COBLL1: variants seen among roughly 807,000 people sequenced by gnomAD.
COBLL1 encodes cordon-bleu protein-like 1.
A neutral mutation model predicts 94.8 loss-of-function variants in COBLL1; 50 were observed. The ratio of observed to expected loss-of-function variants is 0.53; its 90% confidence interval spans 0.42 to 0.67. The LOEUF (loss-of-function observed/expected upper bound fraction) is 0.67. Among genes scored for constraint, COBLL1 ranks in the 30% least tolerant of loss-of-function variants. The probability of loss-of-function intolerance (pLI) is 0.00; values close to 1 mark genes in which losing one functional copy is unlikely to be tolerated. For missense variants in COBLL1, 1,362 were observed against 1,348.7 expected (o/e 1.01, Z -0.15); for synonymous variants, 448 against 473.8 (o/e 0.95, Z 0.71).
intron 2 of COBLL1, among the ~76,000 whole-genome samples, chr2:164,775,763 A>G (rs1688434541): frequency 6.6e-6 from 1 of 152,074 alleles, no homozygotes. Flanking sequence ...CCTTGGTGGT[A>G]GTCTTTAGTG....
chr2:164,822,560 C>T (rs1219506467), intron 2 of COBLL1, among the ~76,000 whole-genome samples: 1 of 152,054 alleles, frequency 6.6e-6, no homozygotes. Context: ...TTAATTATCT[C>T]AAGCTGGGAA....
chr2:164,783,878 ATTGC>A (rs1270395577), intron 2 of COBLL1, among the ~76,000 whole-genome samples: 4 of 152,114 alleles, frequency 2.6e-5, no homozygotes, highest in African/African-American at 9.7e-5. Context: ...AAGCAGGAAG[ATTGC>A]TTGAGCCTGG....
At chr2:164,729,108 A>G (rs903623719) in intron 4 of COBLL1, among the ~76,000 whole-genome samples, 2 of 151,814 alleles carry the variant, frequency 1.3e-5, no homozygotes, top group Middle Eastern at 3.2e-3. Context: ...CCAATATCCC[A>G]ATATATATTA....
intron 2 of COBLL1, among the ~76,000 whole-genome samples, chr2:164,799,600 A>T (rs1191480951): frequency 1.3e-5 from 2 of 152,226 alleles, no homozygotes; most frequent in African/African-American, 2.4e-5. Context: ...ATAGACAAGC[A>T]CATATTAAAA....
intron 9 of COBLL1, 69 bp downstream of exon 9, chr2:164,704,375 G>T: frequency 9.9e-7 from 1 of 1,007,420 alleles, no homozygotes; most frequent in South Asian, 1.3e-5. Context: ...ATCGCAAATG[G>T]ACTCATTTCT....
chr2:164,819,127 T>C (rs1685033488), intron 2 of COBLL1, among the ~76,000 whole-genome samples: 3 of 152,070 alleles, frequency 2.0e-5, no homozygotes, highest in Non-Finnish European at 4.4e-5. Flanking sequence ...TAAAGACTCA[T>C]AAAGTGTAAG....
chr2:164,735,101 T>A (rs1686228793), intron 3 of COBLL1, among the ~76,000 whole-genome samples: 1 of 152,198 alleles, frequency 6.6e-6, no homozygotes, highest in Non-Finnish European at 1.5e-5. Context: ...GTTCTGTGTG[T>A]ACATAGATGT....
intron 7 of COBLL1, among the ~76,000 whole-genome samples, chr2:164,719,852 T>G (rs1685357601): frequency 1.3e-5 from 2 of 152,032 alleles, no homozygotes; most frequent in Admixed American, 1.3e-4. Flanking sequence ...AGATGTCTTC[T>G]CTGAATAAGT....
At chr2:164,751,041 T>C (rs985288450) in intron 2 of COBLL1, among the ~76,000 whole-genome samples, 1 of 152,148 alleles carries the variant, frequency 6.6e-6, no homozygotes, top group African/African-American at 2.4e-5. Flanking sequence ...TTCCATAGCT[T>C]TGCCCTCGGT....
At chr2:164,813,035 A>T (rs1472866589) in intron 2 of COBLL1, among the ~76,000 whole-genome samples, 1 of 130,446 alleles carries the variant, frequency 7.7e-6, no homozygotes, top group African/African-American at 2.9e-5. Context: ...AAATTTCCAA[A>T]TTTTTTTTTA....
chr2:164,803,723 T>C (rs62175561), intron 2 of COBLL1, among the ~76,000 whole-genome samples: 17,851 of 152,152 alleles, frequency 0.12, 1,398 homozygotes, highest in Admixed American at 0.18. Context: ...CCTTCTAAAA[T>C]ATGGCTTTAA....
intron 2 of COBLL1, among the ~76,000 whole-genome samples, chr2:164,751,975 A>G (rs1338347055): frequency 6.6e-6 from 1 of 152,166 alleles, no homozygotes; most frequent in Admixed American, 6.6e-5. Flanking sequence ...GAAAAGAATA[A>G]TCTAATTTTT....
chr2:164,780,574 T>C (rs1688682561), intron 2 of COBLL1, among the ~76,000 whole-genome samples: 1 of 152,160 alleles, frequency 6.6e-6, no homozygotes, highest in Non-Finnish European at 1.5e-5. Context: ...GAAGATCTAA[T>C]TATTATTTTC....
chr2:164,828,855 G>A (rs1346136275), intron 2 of COBLL1, among the ~76,000 whole-genome samples: 1 of 152,032 alleles, frequency 6.6e-6, no homozygotes, highest in African/African-American at 2.4e-5. Flanking sequence ...TTTTTAATGT[G>A]GCTCCTAAAA....
At chr2:164,775,106 A>G (rs771205940) in intron 2 of COBLL1, among the ~76,000 whole-genome samples, 2 of 151,816 alleles carry the variant, frequency 1.3e-5, no homozygotes, top group African/African-American at 2.4e-5. Context: ...CAGTGAGCTG[A>G]GACTGTGCCA....
chr2:164,821,992 T>C (rs1257511199), intron 2 of COBLL1, among the ~76,000 whole-genome samples: 1 of 152,172 alleles, frequency 6.6e-6, no homozygotes, highest in Non-Finnish European at 1.5e-5. Flanking sequence ...AATCACTAAA[T>C]GAAAATCATG....
intron 2 of COBLL1, chr2:164,665,779 A>C (rs979478816): frequency 6.6e-6 from 1 of 152,146 alleles, no homozygotes; most frequent in Non-Finnish European, 1.5e-5. Flanking sequence ...GAGTATGTCA[A>C]TTTTCCTCTT....
chr2:164,734,823 A>G (rs994701489), intron 3 of COBLL1, among the ~76,000 whole-genome samples: 2 of 152,222 alleles, frequency 1.3e-5, no homozygotes, highest in African/African-American at 4.8e-5. Flanking sequence ...TGTGCTTACT[A>G]TAACTCTACA....
intron 2 of COBLL1, among the ~76,000 whole-genome samples, chr2:164,662,229 T>C (rs2105382734): frequency 1.3e-5 from 2 of 152,330 alleles, no homozygotes; most frequent in East Asian, 3.9e-4. Flanking sequence ...CAGATATTCC[T>C]TAAATAGCTT....
Sources: gnomAD v4.1 joint callset for allele counts (sites outside exome capture counted in the v4.1 genomes callset) on GRCh38, gnomAD v4.1.1 for gene constraint, MANE v1.5 for transcripts, NCBI Gene and HGNC (gene_info 2026-07-23, HGNC 2026-07-21) for gene names.